MARCHF1: variants seen among roughly 807,000 people sequenced by gnomAD.
MARCHF1 encodes the protein membrane associated ring-CH-type finger 1, also known as E3 ubiquitin-protein ligase MARCHF1.
A neutral mutation model predicts 54.2 loss-of-function variants in MARCHF1; 40 were observed. That is an observed-to-expected ratio of 0.74 (90% CI 0.57 to 0.96). The LOEUF (loss-of-function observed/expected upper bound fraction) is 0.96, where lower values mean the gene tolerates loss of function less well. Among genes scored for constraint, MARCHF1 ranks in the 40% least tolerant of loss-of-function variants. The pLI is 0.00. For missense variants in MARCHF1, 586 were observed against 656.5 expected, an observed-to-expected ratio of 0.89 and a Z score of 1.17; for synonymous variants, 236 against 236.3, an observed-to-expected ratio of 1.00 and a Z score of 0.01.
At chr4:164,083,491 A>AT (rs1008084869) in intron 2 of MARCHF1, among the ~76,000 whole-genome samples, 4 of 151,792 alleles carry the variant, frequency 2.6e-5, no homozygotes, top group African/African-American at 4.8e-5. Context: ...CTTGGTCCCA[A>AT]TTTTTTTTTC....
At chr4:164,283,092 G>A (rs1734065415) in intron 1 of MARCHF1, among the ~76,000 whole-genome samples, 1 of 151,176 alleles carries the variant, frequency 6.6e-6, no homozygotes, top group African/African-American at 2.4e-5. Flanking sequence ...TGATAGTGTA[G>A]TTTTCAAAGA....
At chr4:163,792,371 C>G (rs1747795522) in intron 4 of MARCHF1, among the ~76,000 whole-genome samples, 2 of 152,058 alleles carry the variant, frequency 1.3e-5, no homozygotes, top group South Asian at 4.2e-4. Context: ...AAATATAATT[C>G]ACGTTTGTTC....
chr4:163,953,935 A>G (rs905079849), intron 3 of MARCHF1, among the ~76,000 whole-genome samples: 4 of 152,178 alleles, frequency 2.6e-5, no homozygotes, highest in Non-Finnish European at 5.9e-5. Context: ...CTTTTACAGA[A>G]AAAGTCCACT....
At chr4:163,665,738 G>C (rs1743510707) in intron 5 of MARCHF1, among the ~76,000 whole-genome samples, 1 of 152,118 alleles carries the variant, frequency 6.6e-6, no homozygotes, top group South Asian at 2.1e-4. Context: ...GCCATCTACT[G>C]TCTCAGACAG....
intron 8 of MARCHF1, among the ~76,000 whole-genome samples, chr4:163,557,336 T>A (rs1277684558): frequency 6.6e-6 from 1 of 152,228 alleles, no homozygotes; most frequent in Admixed American, 6.5e-5. Flanking sequence ...GTATAAGCTG[T>A]CCTATCCTAT....
intron 2 of MARCHF1, among the ~76,000 whole-genome samples, chr4:164,021,156 G>A (rs1462530092): frequency 6.6e-6 from 1 of 150,992 alleles, no homozygotes; most frequent in Non-Finnish European, 1.5e-5. Flanking sequence ...GACCAGTTGG[G>A]AAGCAAAAGC....
chr4:164,038,705 C>T (rs1754063926), intron 2 of MARCHF1, among the ~76,000 whole-genome samples: 1 of 152,134 alleles, frequency 6.6e-6, no homozygotes. Context: ...CAACTGGCCT[C>T]TTCATGTCTG....
intron 2 of MARCHF1, among the ~76,000 whole-genome samples, chr4:164,021,538 T>C (rs1753664570): frequency 6.6e-6 from 1 of 152,170 alleles, no homozygotes; most frequent in Admixed American, 6.5e-5. Context: ...GAGCTTTGCT[T>C]TTTGTATTAT....
chr4:163,636,281 A>G (rs1742318769), intron 5 of MARCHF1, among the ~76,000 whole-genome samples: 1 of 149,918 alleles, frequency 6.7e-6, no homozygotes, highest in Non-Finnish European at 1.5e-5. Flanking sequence ...AGGGTATTCA[A>G]TTAGGAAAAG....
intron 5 of MARCHF1, among the ~76,000 whole-genome samples, chr4:163,638,776 T>C (rs1385078322): frequency 6.6e-6 from 1 of 152,192 alleles, no homozygotes; most frequent in African/African-American, 2.4e-5. Context: ...TGTCCATCGA[T>C]GGATGAATGG....
At chr4:164,237,839 T>C (rs930602968) in intron 1 of MARCHF1, among the ~76,000 whole-genome samples, 10 of 151,954 alleles carry the variant, frequency 6.6e-5, no homozygotes, top group Admixed American at 4.6e-4. Flanking sequence ...ATTAAGAATA[T>C]GCATTCTTAA....
At chr4:164,044,348 G>A (rs893328905) in intron 2 of MARCHF1, among the ~76,000 whole-genome samples, 1 of 152,080 alleles carries the variant, frequency 6.6e-6, no homozygotes, top group Non-Finnish European at 1.5e-5. Context: ...ATGGCAGAAG[G>A]GCAAACGGGA....
intron 1 of MARCHF1, among the ~76,000 whole-genome samples, chr4:164,132,183 C>G (rs114339808): frequency 1.3e-5 from 2 of 152,116 alleles, no homozygotes; most frequent in African/African-American, 4.8e-5. Context: ...TTCTCCCTCC[C>G]CGTCTTCCTT....
chr4:164,332,559 T>C (rs774784533), intron 1 of MARCHF1, among the ~76,000 whole-genome samples: 5 of 152,096 alleles, frequency 3.3e-5, no homozygotes, highest in African/African-American at 4.8e-5. Flanking sequence ...AGGGGCAACA[T>C]TCGTGAGACA....
At chr4:164,176,632 G>C (rs1254728423) in intron 1 of MARCHF1, among the ~76,000 whole-genome samples, 2 of 151,922 alleles carry the variant, frequency 1.3e-5, no homozygotes, top group Admixed American at 6.6e-5. Context: ...CTAAGAATTT[G>C]GGAATCTAAG....
intron 2 of MARCHF1, among the ~76,000 whole-genome samples, chr4:164,031,699 T>TAA (rs1753881512): frequency 6.6e-6 from 1 of 152,198 alleles, no homozygotes; most frequent in African/African-American, 2.4e-5. Context: ...TTGTGGTGCA[T>TAA]AAGCTTTGTG....
chr4:164,374,794 A>G (rs1459802280), intron 1 of MARCHF1, among the ~76,000 whole-genome samples: 1 of 152,176 alleles, frequency 6.6e-6, no homozygotes, highest in Non-Finnish European at 1.5e-5. Flanking sequence ...TTTATTTAGT[A>G]AAGGTTTCTA....
intron 2 of MARCHF1, among the ~76,000 whole-genome samples, chr4:163,995,966 T>C (rs887502537): frequency 6.6e-6 from 1 of 152,242 alleles, no homozygotes; most frequent in Admixed American, 6.5e-5. Flanking sequence ...TATTTACTTT[T>C]TACTACTGGG....
intron 5 of MARCHF1, among the ~76,000 whole-genome samples, chr4:163,680,406 G>A (rs1374670245): frequency 2.0e-5 from 3 of 152,134 alleles, no homozygotes; most frequent in Non-Finnish European, 2.9e-5. Context: ...AAACATTCAG[G>A]ACTATTTCTT....
Sources: allele counts gnomAD v4.1 joint callset (sites outside exome capture counted in the v4.1 genomes callset), GRCh38; gene constraint gnomAD v4.1.1; transcripts MANE v1.5; gene names NCBI Gene and HGNC (gene_info 2026-07-23, HGNC 2026-07-21).